FHIT: variants seen among roughly 807,000 people sequenced by gnomAD.
FHIT encodes the protein fragile histidine triad diadenosine triphosphatase, also known as bis(5'-adenosyl)-triphosphatase.
Under a neutral mutation model 17.9 loss-of-function variants are expected in FHIT, and 19 were observed. The ratio of observed to expected loss-of-function variants is 1.06; its 90% CI spans 0.74 to 1.56. FHIT has a LOEUF of 1.56. FHIT is among the 40% of genes most tolerant of loss of function. The pLI is 0.00. For missense variants in FHIT, 248 were observed against 189.2 expected (o/e 1.31, Z -1.82); for synonymous variants, 81 against 69.7 (o/e 1.16, Z -0.81).
chr3:60,281,637 G>C (rs1190462331), intron 5 of FHIT, among the ~76,000 whole-genome samples: 1 of 149,942 alleles, frequency 6.7e-6, no homozygotes. Flanking sequence ...AAAAAGGGGG[G>C]ATCTACACAC....
chr3:60,826,794 AT>A (rs1702139783), intron 3 of FHIT, among the ~76,000 whole-genome samples: 1 of 111,446 alleles, frequency 9.0e-6, no homozygotes. Flanking sequence ...AGGAACACAC[AT>A]TTACAGACAA....
At chr3:60,221,045 A>G (rs1703937069) in intron 5 of FHIT, among the ~76,000 whole-genome samples, 1 of 152,178 alleles carries the variant, frequency 6.6e-6, no homozygotes, top group Non-Finnish European at 1.5e-5. Context: ...TTGGTATATG[A>G]TGGCTTTATA....
chr3:60,727,264 C>A (rs1553709810), intron 4 of FHIT, among the ~76,000 whole-genome samples: 1 of 151,974 alleles, frequency 6.6e-6, no homozygotes, highest in East Asian at 1.9e-4. Flanking sequence ...CAGAAATGTT[C>A]CAAGTCCCTC....
At chr3:60,044,989 C>G (rs1470444957) in intron 5 of FHIT, among the ~76,000 whole-genome samples, 2 of 151,982 alleles carry the variant, frequency 1.3e-5, no homozygotes, top group African/African-American at 4.8e-5. Context: ...TATTTTGACC[C>G]AAAGTCTTAC....
At chr3:60,967,807 C>G (rs1331100855) in intron 3 of FHIT, among the ~76,000 whole-genome samples, 1 of 152,222 alleles carries the variant, frequency 6.6e-6, no homozygotes, top group South Asian at 2.1e-4. Flanking sequence ...TTTCTAGGAC[C>G]ATGATCAGAC....
chr3:60,328,547 G>A (rs1205106819), intron 5 of FHIT, among the ~76,000 whole-genome samples: 1 of 152,102 alleles, frequency 6.6e-6, no homozygotes, highest in Non-Finnish European at 1.5e-5. Flanking sequence ...GGAAAAACCT[G>A]CCCCCATGAT....
intron 5 of FHIT, among the ~76,000 whole-genome samples, chr3:60,186,900 A>T (rs1702182130): frequency 6.6e-6 from 1 of 152,070 alleles, no homozygotes; most frequent in Non-Finnish European, 1.5e-5. Context: ...AAGATATTTA[A>T]ATTCAAATGG....
rs539314609 is a variant in FHIT at position 60,690,585 on chromosome 3, T to C, written c.-18+131334A>G. The C allele has an allele frequency of 5.0e-5, 27 of 539,962 alleles. No individual in the cohort carries two copies. The East Asian group carries it at 1.3e-3, about 25-fold the overall frequency. The allele number at this position is 539,962 out of a possible 1,614,324, so 33.4% of individuals were successfully genotyped here. A position where few individuals can be genotyped will look rare whatever the true frequency, so the allele number is the denominator to read the frequency against. ...GAAAGCAGTAACCCTCATAATCAAATCCTTTTTCTCCAGTGCTCAGAGCAT... is the reference window on the plus strand; with the variant it reads ...GAAAGCAGTAACCCTCATAATCAAACCCTTTTTCTCCAGTGCTCAGAGCAT... On this transcript the variant is annotated intron_variant, in intron 4 of 9. Coordinates refer to ENST00000492590, the MANE Select transcript of FHIT (RefSeq NM_002012.4).
intron 5 of FHIT, among the ~76,000 whole-genome samples, chr3:60,412,310 T>A (rs751622625): frequency 6.6e-6 from 1 of 152,120 alleles, no homozygotes; most frequent in Non-Finnish European, 1.5e-5. Context: ...ATGTACTAGC[T>A]TGCGTTCCTC....
chr3:60,848,771 A>G (rs1350334138), intron 3 of FHIT, among the ~76,000 whole-genome samples: 2 of 152,144 alleles, frequency 1.3e-5, no homozygotes, highest in Non-Finnish European at 2.9e-5. Flanking sequence ...TCAAACTGGT[A>G]GCTATTTTTT....
intron 2 of FHIT, among the ~76,000 whole-genome samples, chr3:61,052,684 G>A (rs12631370): frequency 0.55 from 83,396 of 152,014 alleles, 25,831 homozygotes; most frequent in East Asian, 0.79. Flanking sequence ...CAATTTATAT[G>A]CTTATTTTGT....
intron 7 of FHIT, among the ~76,000 whole-genome samples, chr3:60,002,371 C>T (rs141892979): frequency 1.8e-3 from 277 of 152,044 alleles, no homozygotes; most frequent in African/African-American, 6.5e-3. Context: ...AGAAGGCTTC[C>T]GAAGATATAT....
intron 5 of FHIT, among the ~76,000 whole-genome samples, chr3:60,230,868 G>A (rs912084560): frequency 8.5e-5 from 13 of 152,108 alleles, no homozygotes; most frequent in Admixed American, 1.3e-4. Context: ...AAACCACCAC[G>A]TCTGGCTAAT....
At chr3:59,757,481 G>A (rs1701279560) in intron 8 of FHIT, among the ~76,000 whole-genome samples, 1 of 152,018 alleles carries the variant, frequency 6.6e-6, no homozygotes, top group Admixed American at 6.6e-5. Flanking sequence ...AGGTATATGG[G>A]GTAATGATGA....
At chr3:61,041,477 T>C (rs1308081730) in intron 3 of FHIT, among the ~76,000 whole-genome samples, 2 of 152,044 alleles carry the variant, frequency 1.3e-5, no homozygotes, top group Non-Finnish European at 2.9e-5. Context: ...TCTTGATTTA[T>C]CTATCAATTA....
At chr3:60,414,813 A>T (rs1209812467) in intron 5 of FHIT, among the ~76,000 whole-genome samples, 1 of 152,190 alleles carries the variant, frequency 6.6e-6, no homozygotes, top group Non-Finnish European at 1.5e-5. Flanking sequence ...GAATGATCTA[A>T]ATTATAAGTA....
Position 60,713,401 on chromosome 3 carries a change from A to G in FHIT, c.-18+108518T>C, listed in dbSNP as rs1371291115. Among the ~76,000 whole-genome samples the G allele has an allele frequency of 5.3e-5, 8 of 151,216 alleles. No individual in the cohort carries two copies. In the East Asian group the frequency reaches 1.4e-3, roughly 26 times the overall value. The stretch of plus-strand genomic sequence containing the variant: ...GCAAGAGCAAACACATTCAAAAGCT[A>G]GCAGAAGGCAAGAAATAACTAAAAT... On this transcript the variant is annotated intron_variant, in intron 4 of 9. Coordinates refer to ENST00000492590, the MANE Select transcript of FHIT (RefSeq NM_002012.4).
intron 5 of FHIT, among the ~76,000 whole-genome samples, chr3:60,077,721 C>T (rs1254649242): frequency 0.023 from 2,315 of 101,426 alleles, 39 homozygotes; most frequent in Middle Eastern, 0.028. Context: ...CACACACACA[C>T]ACACACACAT....
intron 8 of FHIT, among the ~76,000 whole-genome samples, chr3:59,908,680 T>C (rs546146831): frequency 5.9e-5 from 9 of 151,900 alleles, no homozygotes; most frequent in East Asian, 1.9e-4. Context: ...GAATACAGAA[T>C]CTGAATTGAG....
Sources: gnomAD v4.1 joint callset for allele counts (sites outside exome capture counted in the v4.1 genomes callset) on GRCh38, gnomAD v4.1.1 for gene constraint, MANE v1.5 for transcripts, NCBI Gene and HGNC (gene_info 2026-07-23, HGNC 2026-07-21) for gene names.